The following PVT1 variants were observed in gnomAD, a reference collection of about 807,000 sequenced individuals.
PVT1 encodes Pvt1 oncogene, also known as CXCR4/PVT1 fusion.
At chr8:127,989,231 G>A (rs954663533) in exon 4 of PVT1, 3 of 152,164 alleles carry the variant, frequency 2.0e-5, no homozygotes, top group South Asian at 2.1e-4. Flanking sequence ...CACTCTGGAC[G>A]GACTTGAGAA....
chr8:127,823,396 T>C (rs1814754528), intron 2 of PVT1, among the ~76,000 whole-genome samples: 1 of 152,224 alleles, frequency 6.6e-6, no homozygotes, highest in South Asian at 2.1e-4. Flanking sequence ...TGATATCTTT[T>C]TGAAAGAATT....
rs545925911 is a variant in PVT1 at position 127,954,716 on chromosome 8, A to G, written n.783-34446A>G. Among the ~76,000 whole-genome samples the G allele has an allele frequency of 1.8e-4, 27 of 152,246 alleles. 1 individual carries two copies. The South Asian group carries it at 5.4e-3, about 30-fold the overall frequency. On this transcript the variant is annotated intron_variant and non_coding_transcript_variant, in intron 3 of 10. Transcript: ENST00000651587. ...CAGGGAGTGGCTTCCCCAAAGTCATACAGTGTAGAAGAAGGATTCGGGCCT... is the reference window on the plus strand; with the variant it reads ...CAGGGAGTGGCTTCCCCAAAGTCATGCAGTGTAGAAGAAGGATTCGGGCCT...
At chr8:128,083,275 G>A (rs1163692019) in intron 5 of PVT1, among the ~76,000 whole-genome samples, 1 of 152,240 alleles carries the variant, frequency 6.6e-6, no homozygotes, top group African/African-American at 2.4e-5. Flanking sequence ...AACATCGCTT[G>A]GCGCATTGTA....
At chr8:127,834,497 G>A (rs1314797074) in intron 2 of PVT1, among the ~76,000 whole-genome samples, 1 of 152,152 alleles carries the variant, frequency 6.6e-6, no homozygotes, top group Non-Finnish European at 1.5e-5. Flanking sequence ...CACCATTCAG[G>A]ACATAGGCAT....
intron 3 of PVT1, among the ~76,000 whole-genome samples, chr8:127,974,883 G>A (rs960614060): frequency 1.3e-5 from 2 of 152,178 alleles, no homozygotes; most frequent in African/African-American, 4.8e-5. Context: ...CATAGGTGTA[G>A]GGAATAGTTT....
At chr8:128,005,863 G>A (rs2130026267) in intron 4 of PVT1, among the ~76,000 whole-genome samples, 1 of 152,244 alleles carries the variant, frequency 6.6e-6, no homozygotes, top group East Asian at 1.9e-4. Flanking sequence ...CAGCACTTTG[G>A]GAGGCCAAGG....
At chr8:128,068,825 C>T (rs2130132570) in intron 4 of PVT1, among the ~76,000 whole-genome samples, 1 of 152,322 alleles carries the variant, frequency 6.6e-6, no homozygotes, top group South Asian at 2.1e-4. Context: ...TGTGTCAGAG[C>T]CTGGCATATG....
intron 2 of PVT1, among the ~76,000 whole-genome samples, chr8:127,838,227 T>A (rs1814930567): frequency 6.6e-6 from 1 of 152,158 alleles, no homozygotes; most frequent in African/African-American, 2.4e-5. Flanking sequence ...TATATGTGTA[T>A]ATGTAATATC....
At chr8:127,993,061 C>G (rs1817061706) in intron 4 of PVT1, among the ~76,000 whole-genome samples, 1 of 152,224 alleles carries the variant, frequency 6.6e-6, no homozygotes, top group South Asian at 2.1e-4. Context: ...GGTATTGGCC[C>G]ATTTCTCTAT....
intron 3 of PVT1, among the ~76,000 whole-genome samples, chr8:127,900,143 G>T (rs1277066802): frequency 6.6e-6 from 1 of 152,118 alleles, no homozygotes; most frequent in African/African-American, 2.4e-5. Flanking sequence ...CCAGGTTCAA[G>T]CGATTCTCCT....
intron 2 of PVT1, among the ~76,000 whole-genome samples, chr8:127,888,418 C>T (rs780475180): frequency 5.9e-5 from 9 of 152,172 alleles, no homozygotes; most frequent in South Asian, 4.1e-4. Flanking sequence ...GAGATGGGTG[C>T]CCTCTGTTAT....
chr8:128,014,232 G>A (rs976093688), intron 4 of PVT1, among the ~76,000 whole-genome samples: 5 of 152,250 alleles, frequency 3.3e-5, no homozygotes, highest in African/African-American at 1.2e-4. Flanking sequence ...TACACAGAGA[G>A]TGGCCAGACA....
chr8:127,967,639 A>G (rs545448865), intron 3 of PVT1, among the ~76,000 whole-genome samples: 1 of 152,194 alleles, frequency 6.6e-6, no homozygotes, highest in African/African-American at 2.4e-5. Flanking sequence ...GTATTTTCCC[A>G]GCCTACTTTG....
intron 2 of PVT1, among the ~76,000 whole-genome samples, chr8:127,879,164 A>T (rs777561815): frequency 6.6e-6 from 1 of 152,208 alleles, no homozygotes; most frequent in African/African-American, 2.4e-5. Flanking sequence ...GAAGCTTCTT[A>T]TCCTATGGCT....
At chr8:128,072,640 T>C (rs1188806927) in intron 5 of PVT1, among the ~76,000 whole-genome samples, 2 of 152,110 alleles carry the variant, frequency 1.3e-5, no homozygotes, top group Non-Finnish European at 2.9e-5. Flanking sequence ...CAGAATCTTC[T>C]GGAAGAGATG....
At chr8:127,854,143 G>A (rs1815137431) in intron 2 of PVT1, among the ~76,000 whole-genome samples, 1 of 107,394 alleles carries the variant, frequency 9.3e-6, no homozygotes, top group Non-Finnish European at 1.8e-5. Context: ...CGGCAGCCGG[G>A]AAGCAGGGCT....
chr8:127,819,632 A>G (rs1345208962), intron 2 of PVT1, among the ~76,000 whole-genome samples: 1 of 152,126 alleles, frequency 6.6e-6, no homozygotes, highest in Non-Finnish European at 1.5e-5. Context: ...AATGCGGAAG[A>G]GCCTCGGGAT....
At chr8:128,096,477 T>C (rs1342733329) in intron 5 of PVT1, 1 of 145,532 alleles carries the variant, frequency 6.9e-6, no homozygotes, top group African/African-American at 2.5e-5. Flanking sequence ...TGCTACCATT[T>C]TATAGTCAGC....
intron 4 of PVT1, among the ~76,000 whole-genome samples, chr8:128,003,247 T>C (rs1344532665): frequency 1.6e-5 from 2 of 123,424 alleles, no homozygotes; most frequent in Admixed American, 8.0e-5. Flanking sequence ...TCCTTCCTTC[T>C]TTCCTTCCTT....
Sources: gnomAD v4.1 joint callset for allele counts (sites outside exome capture counted in the v4.1 genomes callset) on GRCh38, gnomAD v4.1.1 for gene constraint, MANE v1.5 for transcripts, NCBI Gene and HGNC (gene_info 2026-07-23, HGNC 2026-07-21) for gene names.